Variants in DIP2C observed in about 807,000 individuals in gnomAD.
DIP2C encodes the protein disco-interacting protein 2 homolog C.
In DIP2C, 33 loss-of-function variants were observed where a neutral mutation model predicts 192.4. That is an observed-to-expected ratio of 0.17 (90% CI 0.13 to 0.23). The LOEUF is 0.23. Among genes scored for constraint, DIP2C ranks in the 10% least tolerant of loss-of-function variants. The probability of loss-of-function intolerance (pLI) is 1.00; values close to 1 mark genes in which losing one functional copy is unlikely to be tolerated. For missense variants in DIP2C, 1,537 were observed against 2,110.1 expected (o/e 0.73, Z 5.32); for synonymous variants, 979 against 864.1 (o/e 1.13, Z -2.33).
chr10:576,919 T>TAA lies in DIP2C; in HGVS notation c.86-90391_86-90390dup, dbSNP rs983081552. ...GGTGACAGAGCAAGATTCTGTCTAA[T>TAA]AAAAAAAAAAATAAGAGGGCAAGAT... On this transcript the variant is annotated intron_variant, in intron 1 of 36. Transcript: ENST00000280886. Among the ~76,000 whole-genome samples the TAA allele has an allele frequency of 4.7e-4, 68 of 144,938 alleles. 1 individual carries two copies. Among genetic ancestry groups the TAA allele is most frequent in the African/African-American group, 1.7e-3 (68 of 39,790 alleles).
chr10:612,573 T>C (rs960955472), intron 1 of DIP2C, among the ~76,000 whole-genome samples: 3 of 152,122 alleles, frequency 2.0e-5, no homozygotes, highest in Non-Finnish European at 4.4e-5. Flanking sequence ...ATGCCCAAAA[T>C]ATGAACCCTC....
chr10:281,320 C>A lies in DIP2C; in HGVS notation c.4298G>T (p.Arg1433Leu). 6 of 1,610,174 alleles carry A rather than the reference C, an allele frequency of 3.7e-6. No individual in the cohort carries two copies. The highest frequency in any genetic ancestry group is 5.1e-6 in the Non-Finnish European group (6 of 1,176,830). ...CCCTACCACGTAGAGGGCATCATGGCGCTCTGTGGAGTAATGACAGCCTGC... is the reference window on the plus strand; with the variant it reads ...CCCTACCACGTAGAGGGCATCATGGAGCTCTGTGGAGTAATGACAGCCTGC... ...RTELTDANGE[R>L]HDALYVVGAL... Residue 1433 changes from arginine to leucine, a missense_variant, in exon 36 of 37, where the codon CGC becomes CTC. Arg to Leu is a moderately radical substitution (Grantham distance 102). Around this residue, in one of 4 missense-constraint regions of DIP2C, gnomAD observed 341 missense variants for 551.7 expected, o/e 0.62. Coordinates refer to ENST00000280886, the MANE Select transcript of DIP2C (RefSeq NM_014974.3).
chr10:559,330 G>GCCGGGGGAACA (rs1489420756), intron 1 of DIP2C, among the ~76,000 whole-genome samples: 3 of 141,178 alleles, frequency 2.1e-5, no homozygotes, highest in East Asian at 3.9e-4. Context: ...GGTGGGGAAC[G>GCCGGGGGAACA]CCGGGGGAAC....
chr10:477,159 G>A (rs1843092991), intron 2 of DIP2C, among the ~76,000 whole-genome samples: 1 of 147,640 alleles, frequency 6.8e-6, no homozygotes, highest in Non-Finnish European at 1.5e-5. Flanking sequence ...GAAGGAAAAG[G>A]TCAAAGAAAC....
At chr10:307,995 T>C (rs1236056657) in intron 32 of DIP2C, among the ~76,000 whole-genome samples, 6 of 127,968 alleles carry the variant, frequency 4.7e-5, no homozygotes, top group African/African-American at 1.9e-4. Flanking sequence ...TGGGGGTGCC[T>C]GGGCGGGGCC....
At position 669,918 on chromosome 10, in the gene DIP2C, T is replaced by C. The variant is rs535829417; in HGVS notation, c.85+19576A>G. 3.3e-5 allele frequency among the ~76,000 whole-genome samples: 5 copies of C among 152,364 alleles called. No homozygotes were observed. In the South Asian group the frequency reaches 8.3e-4, roughly 25 times the overall value. On this transcript the variant is annotated intron_variant, in intron 1 of 36. Transcript: ENST00000280886. ...ATCTTTGTTTTGGAATTTATTCATT[T>C]AATATGACAATTTCCATTGTTTTTA...
chr10:619,257 C>T (rs1036199909), intron 1 of DIP2C, among the ~76,000 whole-genome samples: 2 of 152,226 alleles, frequency 1.3e-5, no homozygotes, highest in African/African-American at 4.8e-5. Flanking sequence ...TAAATCACCC[C>T]AAACTTAGTG....
chr10:415,808 G>C lies in DIP2C; in HGVS notation c.820C>G (p.Arg274Gly), dbSNP rs368106936. 1.9e-6 allele frequency: 3 copies of C among 1,613,820 alleles called. No homozygotes were observed. Among genetic ancestry groups the C allele is most frequent in the Non-Finnish European group, 2.5e-6 (3 of 1,179,998 alleles). Residue 274 changes from arginine (R) to glycine (G), a missense_variant, in exon 7 of 37, where the codon CGA becomes GGA. Around this residue, in one of 4 missense-constraint regions of DIP2C, gnomAD observed 473 missense variants for 539.6 expected, o/e 0.88. Transcript: ENST00000280886. ...TCAAAGTCATCGACAAAGAATTCTC[G>C]TAAAGGTGGTCGTTTCGGTCGTTTG... ...TLKRPKRPPL[R>G]EFFVDDFEEL...
chr10:640,503 CAATAAACT>C (rs1427967641), intron 1 of DIP2C, among the ~76,000 whole-genome samples: 1 of 152,156 alleles, frequency 6.6e-6, no homozygotes, highest in African/African-American at 2.4e-5. Context: ...TACTGCACCT[CAATAAACT>C]TAGCTCACAG....
At chr10:424,707 A>G (rs561257235) in intron 4 of DIP2C, among the ~76,000 whole-genome samples, 5 of 152,298 alleles carry the variant, frequency 3.3e-5, no homozygotes, top group African/African-American at 1.2e-4. Flanking sequence ...TATAAAAGTA[A>G]AATTGACACA....
chr10:455,214 C>T (rs542235079), intron 3 of DIP2C, among the ~76,000 whole-genome samples: 2 of 152,390 alleles, frequency 1.3e-5, no homozygotes, highest in South Asian at 4.1e-4. Context: ...AACCTATTTG[C>T]ACCCCCATTT....
At chr10:423,778 G>T (rs1214606905) in intron 4 of DIP2C, among the ~76,000 whole-genome samples, 2 of 152,086 alleles carry the variant, frequency 1.3e-5, no homozygotes, top group African/African-American at 4.8e-5. Flanking sequence ...ACTGATGATG[G>T]TAACAGGAGA....
intron 1 of DIP2C, among the ~76,000 whole-genome samples, chr10:580,007 T>C (rs1359519864): frequency 6.6e-6 from 1 of 152,144 alleles, no homozygotes; most frequent in East Asian, 1.9e-4. Flanking sequence ...AACATGTATG[T>C]ACATGAATAG....
intron 2 of DIP2C, among the ~76,000 whole-genome samples, chr10:477,814 A>T (rs1018276430): frequency 1.7e-4 from 23 of 134,594 alleles, no homozygotes; most frequent in African/African-American, 6.8e-4. Context: ...AAAGAGAAGG[A>T]AAACAAGAGA....
intron 31 of DIP2C, among the ~76,000 whole-genome samples, chr10:320,638 G>T (rs1956964159): frequency 6.6e-6 from 1 of 152,048 alleles, no homozygotes; most frequent in Non-Finnish European, 1.5e-5. Context: ...CATGCTCTTA[G>T]CTGAGTGTGG....
chr10:528,499 T>C (rs1847188282), intron 1 of DIP2C, among the ~76,000 whole-genome samples: 1 of 152,184 alleles, frequency 6.6e-6, no homozygotes, highest in Non-Finnish European at 1.5e-5. Flanking sequence ...AAAGCCATAG[T>C]GGTGGATATC....
chr10:295,341 C>A (rs1955698663), intron 32 of DIP2C, among the ~76,000 whole-genome samples: 1 of 151,574 alleles, frequency 6.6e-6, no homozygotes, highest in South Asian at 2.1e-4. Context: ...GTGGGTGGAT[C>A]ACGAGGTCAG....
chr10:412,709 G>A (rs1208506191), intron 8 of DIP2C, among the ~76,000 whole-genome samples: 6 of 152,140 alleles, frequency 3.9e-5, no homozygotes, highest in East Asian at 1.9e-4. Context: ...GAGGTTCCAC[G>A]GTTCAACATA....
At chr10:661,843 G>A (rs1469389589) in intron 1 of DIP2C, among the ~76,000 whole-genome samples, 2 of 152,112 alleles carry the variant, frequency 1.3e-5, no homozygotes, top group African/African-American at 2.4e-5. Flanking sequence ...AAGTATCTCT[G>A]AATCAGGTCC....
Sources: allele counts gnomAD v4.1 joint callset (sites outside exome capture counted in the v4.1 genomes callset), GRCh38; gene constraint gnomAD v4.1.1; regional missense constraint gnomAD v4.1.1; transcripts MANE v1.5; gene names NCBI Gene and HGNC (gene_info 2026-07-23, HGNC 2026-07-21).